PREX2: variants seen among roughly 807,000 people sequenced by gnomAD.
PREX2 encodes phosphatidylinositol-3,4,5-trisphosphate dependent Rac exchange factor 2, also known as phosphatidylinositol 3,4,5-trisphosphate-dependent Rac exchanger 2 protein.
A neutral mutation model predicts 203.2 loss-of-function variants in PREX2; 107 were observed. That is an observed-to-expected ratio of 0.53 (90% confidence interval 0.45 to 0.62). The LOEUF (loss-of-function observed/expected upper bound fraction) is 0.62, where lower values mean the gene tolerates loss of function less well. PREX2 is among the 20% of genes least tolerant of loss of function. The probability of loss-of-function intolerance (pLI) is 0.00; values close to 1 mark genes in which losing one functional copy is unlikely to be tolerated. For missense variants in PREX2, 1,777 were observed against 1,955.9 expected (o/e 0.91, Z 1.72); for synonymous variants, 672 against 663.6 (o/e 1.01, Z -0.19).
At position 68,231,820 on chromosome 8, in the gene PREX2, A is replaced by T. The variant is rs1813176055; in HGVS notation, c.*442A>T. On this transcript the variant is annotated 3_prime_UTR_variant, in exon 40 of 40. Transcript: ENST00000288368. ...AGGCCATTATTGAAGAAACCTGGCG[A>T]CATCTTGCAAATCATCATGAGAAAT... The T allele has an allele frequency of 6.1e-6, 1 of 164,584 alleles. No individual in the cohort carries two copies. Among genetic ancestry groups the T allele is most frequent in the South Asian group, 2.0e-4 (1 of 4,936 alleles). 10.2% of individuals were successfully genotyped at this position (164,584 alleles called of 1,614,324 possible). A position where few individuals can be genotyped will look rare whatever the true frequency, so the allele number is the denominator to read the frequency against.
rs1264640767 is a variant in PREX2 at position 68,234,520 on chromosome 8, A to C, written c.*3142A>C. On this transcript the variant is annotated 3_prime_UTR_variant, in exon 40 of 40. Coordinates refer to ENST00000288368, the MANE Select transcript of PREX2 (RefSeq NM_024870.4). ...TTCTAATATTAATTCCAAATATTAC[A>C]AAATTTAATGTGATATTAAAGTATG... 1.3e-5 allele frequency: 2 copies of C among 152,214 alleles called. No individual in the cohort carries two copies. The highest frequency in any genetic ancestry group is 2.9e-5 in the Non-Finnish European group (2 of 68,028). 9.4% of individuals were successfully genotyped at this position (152,214 alleles called of 1,614,324 possible). A position where few individuals can be genotyped will look rare whatever the true frequency, so the allele number is the denominator to read the frequency against.
At chr8:68,212,415 A>G (rs1212586903) in intron 37 of PREX2, among the ~76,000 whole-genome samples, 1 of 152,214 alleles carries the variant, frequency 6.6e-6, no homozygotes, top group Non-Finnish European at 1.5e-5. Flanking sequence ...TCACTGTTGC[A>G]TCTCCTACAC....
At chr8:68,135,002 A>G (rs1811085591) in intron 32 of PREX2, among the ~76,000 whole-genome samples, 1 of 152,220 alleles carries the variant, frequency 6.6e-6, no homozygotes, top group East Asian at 1.9e-4. Flanking sequence ...ATCACTGAAT[A>G]GAACTGTGAT....
intron 1 of PREX2, among the ~76,000 whole-genome samples, chr8:67,994,373 G>A (rs1806704408): frequency 6.6e-6 from 1 of 152,206 alleles, no homozygotes; most frequent in African/African-American, 2.4e-5. Flanking sequence ...CAAAACCTCA[G>A]TTGGAATCAC....
intron 7 of PREX2, among the ~76,000 whole-genome samples, chr8:68,039,233 C>T (rs1368023663): frequency 1.3e-5 from 2 of 152,144 alleles, no homozygotes; most frequent in African/African-American, 4.8e-5. Context: ...TCTTTGTTCA[C>T]TCTCCTCCAC....
rs76137771 is a variant in PREX2, at chr8:68,120,771, A to G, written c.3596-150A>G. ...ATAACATGAAGGTTTGACTTTTTAC[A>G]TTTAACGGATTTTCTGATGGTGTGG... On this transcript the variant is annotated intron_variant, in intron 29 of 39. Transcript: ENST00000288368. The G allele has an allele frequency of 9.4e-3, 6,115 of 651,204 alleles. 149 individuals carry two copies. The highest frequency in any genetic ancestry group is 0.07 in the African/African-American group (3,781 of 53,800). The allele number at this position is 651,204 out of a possible 1,614,324, so 40.3% of individuals were successfully genotyped here.
intron 35 of PREX2, among the ~76,000 whole-genome samples, chr8:68,175,036 C>A (rs1811951913): frequency 6.6e-6 from 1 of 152,176 alleles, no homozygotes; most frequent in African/African-American, 2.4e-5. Context: ...GTCAATGAAA[C>A]CAACAGGTTA....
chr8:68,109,074 G>A lies in PREX2; in HGVS notation c.2939-342G>A. 1.6e-5 allele frequency: 7 copies of A among 433,656 alleles called. 1 individual carries two copies. Among genetic ancestry groups the A allele is most frequent in the South Asian group, 1.2e-4 (7 of 57,448 alleles). 26.9% of individuals were successfully genotyped at this position (433,656 alleles called of 1,614,324 possible). The stretch of plus-strand genomic sequence containing the variant: ...TTGGGTGGGGGATTGAGAAGATGAA[G>A]GTCAAAGGATATAAAATTTCAATCA... On this transcript the variant is annotated intron_variant, in intron 24 of 39. Coordinates refer to ENST00000288368, the MANE Select transcript of PREX2 (RefSeq NM_024870.4).
At chr8:68,011,664 G>A (rs1298936990) in intron 1 of PREX2, among the ~76,000 whole-genome samples, 2 of 151,920 alleles carry the variant, frequency 1.3e-5, no homozygotes, top group Non-Finnish European at 1.5e-5. Context: ...TTTAATGTTA[G>A]CAATTGAGTC....
At chr8:68,064,964 C>T (rs1365392652) in intron 11 of PREX2, among the ~76,000 whole-genome samples, 5 of 152,144 alleles carry the variant, frequency 3.3e-5, no homozygotes, top group Non-Finnish European at 5.9e-5. Flanking sequence ...AACATTTGCA[C>T]TATGTTCCTG....
intron 39 of PREX2, among the ~76,000 whole-genome samples, chr8:68,227,882 C>G (rs1336457337): frequency 1.3e-5 from 2 of 152,038 alleles, no homozygotes; most frequent in Non-Finnish European, 2.9e-5. Flanking sequence ...TCTTGGACAC[C>G]CTTGGCTCCA....
Position 68,083,359 on chromosome 8 carries a change from A to G in PREX2, c.1998A>G (p.Leu666=), listed in dbSNP as rs1349120279. The change falls in exon 18 of 40, where the codon CTA becomes CTG. Residue 666 remains leucine (L), a synonymous_variant. Transcript: ENST00000288368. ...LKSCLNSRKP[L]RVLVSTKPRE... is the part of the protein sequence containing the mutation. ...CGTGTTTAAACAGCAGAAAACCTCT[A>G]AGAGTTCTTGTGAGCACAAAGCCAA... The G allele has an allele frequency of 6.2e-7, 1 of 1,610,914 alleles. No homozygotes were observed. The highest frequency in any genetic ancestry group is 8.5e-7 in the Non-Finnish European group (1 of 1,177,930).
intron 11 of PREX2, among the ~76,000 whole-genome samples, chr8:68,067,579 T>C (rs1351872149): frequency 6.6e-6 from 1 of 152,078 alleles, no homozygotes; most frequent in Non-Finnish European, 1.5e-5. Context: ...CTGATTTTTT[T>C]AATGTTGACT....
chr8:68,170,451 C>A (rs1190966350), intron 35 of PREX2, among the ~76,000 whole-genome samples: 1 of 152,230 alleles, frequency 6.6e-6, no homozygotes, highest in Non-Finnish European at 1.5e-5. Flanking sequence ...TGTGGAAACA[C>A]GAACAGAGAC....
At position 68,024,258 on chromosome 8, in the gene PREX2, A is replaced by T. The variant is rs147076886; in HGVS notation, c.441+2118A>T. On this transcript the variant is annotated intron_variant, in intron 4 of 39. Coordinates refer to ENST00000288368, the MANE Select transcript of PREX2 (RefSeq NM_024870.4). ...TTCATATTATTCATATTGTTTAATG[A>T]TTCAATTATTGAGAATGAGATATTG... is the stretch of plus-strand genomic sequence containing the variant. Among the ~76,000 whole-genome samples, 883 of 152,164 alleles carry T rather than the reference A, an allele frequency of 5.8e-3. 7 individuals are homozygous for T. The highest frequency in any genetic ancestry group is 0.02 in the African/African-American group (839 of 41,540).
intron 35 of PREX2, among the ~76,000 whole-genome samples, chr8:68,169,432 A>T (rs1811829469): frequency 6.6e-6 from 1 of 152,046 alleles, no homozygotes; most frequent in African/African-American, 2.4e-5. Context: ...TTGGAGATGG[A>T]ACAGACGTGG....
intron 31 of PREX2, among the ~76,000 whole-genome samples, chr8:68,132,127 G>A (rs1811021795): frequency 6.6e-6 from 1 of 152,104 alleles, no homozygotes; most frequent in Non-Finnish European, 1.5e-5. Context: ...CAAGAAACCA[G>A]AGAATGAACT....
At chr8:67,983,013 A>C (rs4463404) in intron 1 of PREX2, among the ~76,000 whole-genome samples, 33,664 of 151,994 alleles carry the variant, frequency 0.22, 4,808 homozygotes, top group East Asian at 0.54. Context: ...GTTGAACCAC[A>C]TTGTTAAGCT....
At chr8:67,974,559 C>T (rs866016127) in intron 1 of PREX2, among the ~76,000 whole-genome samples, 2 of 151,966 alleles carry the variant, frequency 1.3e-5, no homozygotes, top group East Asian at 1.9e-4. Flanking sequence ...ACAAAGGATG[C>T]GTGAAAGGGA....
Sources: gnomAD v4.1 joint callset for allele counts (sites outside exome capture counted in the v4.1 genomes callset) on GRCh38, gnomAD v4.1.1 for gene constraint, MANE v1.5 for transcripts, NCBI Gene and HGNC (gene_info 2026-07-23, HGNC 2026-07-21) for gene names.